THADA: variants seen among roughly 807,000 people sequenced by gnomAD.
THADA encodes THADA armadillo repeat containing.
THADA carries 213 observed loss-of-function variants against 219.8 expected under a neutral mutation model. The ratio of observed to expected loss-of-function variants is 0.97; its 90% CI spans 0.87 to 1.09. THADA has a LOEUF of 1.09. Among genes scored for constraint, THADA ranks in the 50% least tolerant of loss-of-function variants. The pLI, the probability that THADA is intolerant of heterozygous loss-of-function variation, is 0.00. For missense variants in THADA, 2,956 were observed against 2,311.3 expected (o/e 1.28, Z -5.72); for synonymous variants, 1,018 against 828.9 (o/e 1.23, Z -3.92).
chr2:43,289,304 C>T (rs1674414105), intron 34 of THADA, among the ~76,000 whole-genome samples: 1 of 152,164 alleles, frequency 6.6e-6, no homozygotes, highest in Non-Finnish European at 1.5e-5. Context: ...ATGTACTTTA[C>T]TTCTATCAAC....
intron 22 of THADA, among the ~76,000 whole-genome samples, chr2:43,514,159 T>C (rs1558886339): frequency 6.6e-6 from 1 of 151,328 alleles, no homozygotes; most frequent in Non-Finnish European, 1.5e-5. Context: ...GAAATAAAAG[T>C]GTACTTTCAG....
chr2:43,547,937 C>T (rs1224039125), intron 20 of THADA, among the ~76,000 whole-genome samples: 1 of 152,202 alleles, frequency 6.6e-6, no homozygotes, highest in African/African-American at 2.4e-5. Flanking sequence ...GGAGGAAAGG[C>T]ACCCTGCTTT....
intron 30 of THADA, among the ~76,000 whole-genome samples, chr2:43,322,376 C>T (rs190256560): frequency 6.6e-6 from 1 of 151,668 alleles, no homozygotes; most frequent in African/African-American, 2.4e-5. Flanking sequence ...GGGTGGCGGG[C>T]GCCTGTATTC....
intron 22 of THADA, among the ~76,000 whole-genome samples, chr2:43,523,458 C>T (rs904548608): frequency 2.6e-5 from 4 of 152,166 alleles, no homozygotes; most frequent in African/African-American, 9.7e-5. Context: ...TTATATATTA[C>T]ATTCTGCATT....
At chr2:43,346,748 T>C (rs1184235805) in intron 29 of THADA, among the ~76,000 whole-genome samples, 1 of 152,232 alleles carries the variant, frequency 6.6e-6, no homozygotes, top group East Asian at 1.9e-4. Flanking sequence ...GTTCCTTGCT[T>C]TCCTGTAGCT....
intron 28 of THADA, among the ~76,000 whole-genome samples, chr2:43,399,156 G>C (rs13430484): frequency 0.044 from 6,623 of 152,218 alleles, 502 homozygotes; most frequent in African/African-American, 0.15. Context: ...GCTTAACTAA[G>C]TTCTTTACTA....
chr2:43,586,840 A>G lies in THADA; in HGVS notation c.451+14T>C, dbSNP rs769932650. The G allele has an allele frequency of 3.1e-6, 5 of 1,612,526 alleles. No homozygotes were observed. In the Admixed American group the frequency reaches 6.7e-5, roughly 22 times the overall value. ...GGGTTAGCCAGAAAAAGGACTAGAA[A>G]AGTGCAGCCTTACCCAAGTTAAAGT... is the stretch of plus-strand genomic sequence containing the variant. On this transcript the variant is annotated intron_variant, in intron 5 of 37. Transcript: ENST00000405975.
chr2:43,527,867 T>C lies in THADA; in HGVS notation c.3374+12A>G. On this transcript the variant is annotated intron_variant, in intron 22 of 37. Coordinates refer to ENST00000405975, the MANE Select transcript of THADA (RefSeq NM_022065.5). ...TCTTTTTAAAACGTACACAAAAGGA[T>C]ATTTGTTTTACCTGTTTAGTACTTC... The C allele has an allele frequency of 1.3e-6, 2 of 1,551,688 alleles. No homozygotes were observed. Among genetic ancestry groups the C allele is most frequent in the Non-Finnish European group, 8.9e-7 (1 of 1,126,728 alleles).
At chr2:43,542,678 A>G (rs1170730457) in intron 20 of THADA, among the ~76,000 whole-genome samples, 1 of 152,196 alleles carries the variant, frequency 6.6e-6, no homozygotes, top group Non-Finnish European at 1.5e-5. Context: ...GAACTCTCAC[A>G]GCAGACAATG....
intron 23 of THADA, among the ~76,000 whole-genome samples, 157 bp from the exon 24 acceptor site, chr2:43,505,892 T>C (rs575147335): frequency 6.6e-6 from 1 of 152,362 alleles, no homozygotes; most frequent in African/African-American, 2.4e-5. Context: ...GCAAGTGGTT[T>C]AACCTCACAG....
intron 4 of THADA, among the ~76,000 whole-genome samples, chr2:43,589,881 G>C (rs1194721175): frequency 2.6e-5 from 4 of 151,858 alleles, no homozygotes; most frequent in Non-Finnish European, 5.9e-5. Context: ...GGTTAAGACT[G>C]AGTTTTTATG....
rs79412389 is a variant in THADA at position 43,426,025 on chromosome 2, C to T, written c.4058+2075G>A. 3.3e-3 allele frequency among the ~76,000 whole-genome samples: 506 copies of T among 152,228 alleles called. 12 individuals are homozygous for T. The highest frequency in any genetic ancestry group is 6.4e-3 in the East Asian group (33 of 5,186). Reference sequence around the variant, plus strand: ...CTTACTGGAAGAAAGCAACTACAACCGCAGCATTTTCTTTCACTGGAAGAA... The same window carrying T: ...CTTACTGGAAGAAAGCAACTACAACTGCAGCATTTTCTTTCACTGGAAGAA... On this transcript the variant is annotated intron_variant, in intron 28 of 37. Coordinates refer to ENST00000405975, the MANE Select transcript of THADA (RefSeq NM_022065.5).
intron 29 of THADA, among the ~76,000 whole-genome samples, chr2:43,347,794 A>T (rs968889422): frequency 1.3e-5 from 2 of 152,214 alleles, no homozygotes; most frequent in African/African-American, 4.8e-5. Flanking sequence ...GTGCGCAGAG[A>T]ACAGCCAGGG....
chr2:43,593,969 C>T (rs1463557421), intron 1 of THADA, among the ~76,000 whole-genome samples: 2 of 152,112 alleles, frequency 1.3e-5, no homozygotes, highest in African/African-American at 4.8e-5. Flanking sequence ...TAGTAAAAGT[C>T]AGTACAAGCT....
rs147106974 is a variant in THADA at position 43,324,094 on chromosome 2, T to C, written c.4344-3554A>G. Among the ~76,000 whole-genome samples, 5 of 152,344 alleles carry C rather than the reference T, an allele frequency of 3.3e-5. No homozygotes were observed. In the East Asian group the frequency reaches 9.6e-4, roughly 29 times the overall value. On this transcript the variant is annotated intron_variant, in intron 30 of 37. Transcript: ENST00000405975. ...TGCCCCAAATGTTTTTCTGGTTTTCTGTGGAGCCATACAGAACCATAAAGA... is the reference window on the plus strand; with the variant it reads ...TGCCCCAAATGTTTTTCTGGTTTTCCGTGGAGCCATACAGAACCATAAAGA...
At chr2:43,308,024 A>G (rs934073060) in intron 31 of THADA, among the ~76,000 whole-genome samples, 5 of 148,838 alleles carry the variant, frequency 3.4e-5, no homozygotes, top group African/African-American at 1.3e-4. Context: ...GAGATGAACA[A>G]TACAGTATCT....
chr2:43,508,627 T>A lies in THADA; in HGVS notation c.3507+21A>T, dbSNP rs371616203. The stretch of plus-strand genomic sequence containing the variant: ...CAAAAGACAAATATAAACAAACAGC[T>A]AGGGTCCTACAGATAAATACCTGTA... On this transcript the variant is annotated intron_variant, in intron 23 of 37. Coordinates refer to ENST00000405975, the MANE Select transcript of THADA (RefSeq NM_022065.5). 3.8e-5 allele frequency: 61 copies of A among 1,608,824 alleles called. No homozygotes were observed. The African/African-American group carries it at 7.5e-4, about 20-fold the overall frequency.
Position 43,293,118 on chromosome 2 carries a change from G to C in THADA, c.4534C>G (p.Leu1512Val). The part of the protein sequence containing the change: ...GFPWAFKVPG[L>V]PQYLQSLTRL... Reference sequence around the variant, plus strand: ...GTGAGGCTCTGGAGGTACTGGGGCAGGCCTGGCACCTTGAAGGCCCAAGGG... The same window carrying C: ...GTGAGGCTCTGGAGGTACTGGGGCACGCCTGGCACCTTGAAGGCCCAAGGG... Residue 1512 changes from leucine to valine, a missense_variant, in exon 32 of 38, where the codon CTG (leucine) becomes GTG (valine). Coordinates refer to ENST00000405975, the MANE Select transcript of THADA (RefSeq NM_022065.5). The C allele has an allele frequency of 6.2e-7, 1 of 1,614,020 alleles. No homozygotes were observed. Among genetic ancestry groups the C allele is most frequent in the Non-Finnish European group, 8.5e-7 (1 of 1,179,898 alleles).
intron 26 of THADA, among the ~76,000 whole-genome samples, chr2:43,470,513 A>C (rs531668192): frequency 5.8e-4 from 89 of 152,334 alleles, no homozygotes; most frequent in Non-Finnish European, 1.1e-3. Flanking sequence ...TTACATAACT[A>C]CATGAAAAAT....
Sources: allele counts gnomAD v4.1 joint callset (sites outside exome capture counted in the v4.1 genomes callset), GRCh38; gene constraint gnomAD v4.1.1; transcripts MANE v1.5; gene names NCBI Gene and HGNC (gene_info 2026-07-23, HGNC 2026-07-21).